GPR107: variants seen among roughly 807,000 people sequenced by gnomAD.
GPR107 encodes protein GPR107.
GPR107 carries 31 observed loss-of-function variants against 75.5 expected under a neutral mutation model. That is an observed-to-expected ratio of 0.41 (90% CI 0.31 to 0.55). GPR107 has a LOEUF of 0.55. Among genes scored for constraint, GPR107 ranks in the 20% least tolerant of loss-of-function variants. The pLI, the probability that GPR107 is intolerant of heterozygous loss-of-function variation, is 0.26. For synonymous variants in GPR107, 267 were observed against 251.3 expected, an observed-to-expected ratio of 1.06 and a Z score of -0.59; for missense variants, 572 against 665.7, an observed-to-expected ratio of 0.86 and a Z score of 1.55.
chr9:130,069,563 T>C (rs957745067), intron 1 of GPR107, among the ~76,000 whole-genome samples: 3 of 152,214 alleles, frequency 2.0e-5, no homozygotes, highest in Non-Finnish European at 2.9e-5. Flanking sequence ...TAGTGAGGTA[T>C]AGTTTACGAA....
chr9:130,086,649 C>T (rs1293705664), intron 7 of GPR107, among the ~76,000 whole-genome samples, 173 bp downstream of exon 7: 1 of 152,004 alleles, frequency 6.6e-6, no homozygotes, highest in Non-Finnish European at 1.5e-5. Flanking sequence ...ATATTGTTAC[C>T]CATCTACTTA....
At position 130,065,694 on chromosome 9, in the gene GPR107, G is replaced by A. The variant is rs1830051038; in HGVS notation, c.142-9942G>A. Among the ~76,000 whole-genome samples, 3 of 148,172 alleles carry A rather than the reference G, an allele frequency of 2.0e-5. 1 individual carries two copies. The South Asian group carries it at 6.3e-4, about 31-fold the overall frequency. The stretch of plus-strand genomic sequence containing the variant: ...AGGCAGGAGAATCACTTGAACCCAG[G>A]AGGTGGAGGTTGCAGTGAACCAAGA... On this transcript the variant is annotated intron_variant, in intron 1 of 17. Coordinates refer to ENST00000347136, the MANE Select transcript of GPR107 (RefSeq NM_020960.5).
chr9:130,088,482 C>A (rs76228787), intron 7 of GPR107, among the ~76,000 whole-genome samples: 3,701 of 152,316 alleles, frequency 0.024, 57 homozygotes, highest in Non-Finnish European at 0.037. Flanking sequence ...CTGTCTCCCC[C>A]TCTACAGAAG....
At chr9:130,095,514 C>T (rs1018568211) in intron 9 of GPR107, among the ~76,000 whole-genome samples, 3 of 152,158 alleles carry the variant, frequency 2.0e-5, no homozygotes, top group African/African-American at 7.2e-5. Context: ...TCTGCCTCAG[C>T]CTCCCAAGTA....
chr9:130,068,828 G>T (rs555427978), intron 1 of GPR107, among the ~76,000 whole-genome samples: 5 of 150,552 alleles, frequency 3.3e-5, no homozygotes, highest in Admixed American at 6.7e-5. Context: ...TGCAGCCTCC[G>T]CCTCCTGGAT....
At chr9:130,070,710 A>C (rs1323490139) in intron 1 of GPR107, among the ~76,000 whole-genome samples, 1 of 151,402 alleles carries the variant, frequency 6.6e-6, no homozygotes, top group Non-Finnish European at 1.5e-5. Context: ...GTGGGTAACA[A>C]TTTTTTTTTC....
At chr9:130,059,018 A>G (rs1167393976) in intron 1 of GPR107, among the ~76,000 whole-genome samples, 1 of 152,138 alleles carries the variant, frequency 6.6e-6, no homozygotes, top group South Asian at 2.1e-4. Flanking sequence ...TTTCTCTTGG[A>G]TGATATCCAG....
intron 7 of GPR107, among the ~76,000 whole-genome samples, chr9:130,087,421 A>C (rs908973365): frequency 2.0e-5 from 3 of 151,958 alleles, no homozygotes; most frequent in Non-Finnish European, 4.4e-5. Context: ...TTATCCCAGC[A>C]CTTTGGAAGG....
intron 4 of GPR107, among the ~76,000 whole-genome samples, chr9:130,078,756 G>T (rs578011919): frequency 1.5e-4 from 23 of 152,274 alleles, no homozygotes; most frequent in African/African-American, 4.6e-4. Context: ...CAGAGAGCAG[G>T]CTCCTCCTCC....
intron 3 of GPR107, 135 bp downstream of exon 3, chr9:130,076,597 C>T: frequency 1.5e-6 from 1 of 667,174 alleles, no homozygotes; most frequent in Non-Finnish European, 2.7e-6. Context: ...TCACTGCAAC[C>T]TTGACCTCCC....
At position 130,107,505 on chromosome 9, in the gene GPR107, A is replaced by G; in HGVS notation, c.1272A>G (p.Arg424=). The G allele has an allele frequency of 6.3e-7, 1 of 1,590,028 alleles. No individual in the cohort carries two copies. Among genetic ancestry groups the G allele is most frequent in the Non-Finnish European group, 8.6e-7 (1 of 1,157,868 alleles). ...AAATGTTTATTTTTAGGTCAATCAG[A>G]CATTTACAAGAAGCATCAGCAACAG... ...AILFPVVWSI[R]HLQEASATDG... is the part of the protein sequence containing the mutation. The change falls in exon 14 of 18, where the codon AGA becomes AGG. Residue 424 remains arginine, a synonymous_variant. Coordinates refer to ENST00000347136, the MANE Select transcript of GPR107 (RefSeq NM_020960.5).
Position 130,075,622 on chromosome 9 carries a change from A to G in GPR107, c.142-14A>G, listed in dbSNP as rs758782922. The G allele has an allele frequency of 3.0e-6, 4 of 1,329,794 alleles. No individual in the cohort carries two copies. The highest frequency in any genetic ancestry group is 3.4e-5 in the Admixed American group (2 of 59,348). The allele number at this position is 1,329,794 out of a possible 1,614,324, so 82.4% of individuals were successfully genotyped here. On this transcript the variant is annotated splice_polypyrimidine_tract_variant and intron_variant, in intron 1 of 17. Coordinates refer to ENST00000347136, the MANE Select transcript of GPR107 (RefSeq NM_020960.5). Reference sequence around the variant, plus strand: ...TTTCCATATGACTAATTCCACCACTACAAATCTCTTTAGGATGATGTGAGG... The same window carrying G: ...TTTCCATATGACTAATTCCACCACTGCAAATCTCTTTAGGATGATGTGAGG...
At chr9:130,062,997 A>G (rs1318878161) in intron 1 of GPR107, among the ~76,000 whole-genome samples, 2 of 152,166 alleles carry the variant, frequency 1.3e-5, no homozygotes, top group African/African-American at 2.4e-5. Flanking sequence ...TGAACTCTTT[A>G]TGAGAGGATA....
intron 14 of GPR107, among the ~76,000 whole-genome samples, chr9:130,113,556 T>C (rs1003126509): frequency 2.6e-5 from 4 of 152,156 alleles, no homozygotes; most frequent in African/African-American, 4.8e-5. Context: ...ATAAGACTTA[T>C]GATGTAAGCA....
intron 12 of GPR107, among the ~76,000 whole-genome samples, chr9:130,102,110 G>A (rs1831046061): frequency 6.6e-6 from 1 of 152,210 alleles, no homozygotes; most frequent in Non-Finnish European, 1.5e-5. Context: ...AAGTTGGAAG[G>A]ATCAAGGAGG....
At chr9:130,134,199 C>G (rs1441420513) in intron 17 of GPR107, among the ~76,000 whole-genome samples, 1 of 152,198 alleles carries the variant, frequency 6.6e-6, no homozygotes, top group Non-Finnish European at 1.5e-5. Context: ...TTCTGCTACT[C>G]ACAGAGCCAC....
chr9:130,126,602 G>T (rs191617770), intron 15 of GPR107, among the ~76,000 whole-genome samples: 1 of 151,990 alleles, frequency 6.6e-6, no homozygotes, highest in Non-Finnish European at 1.5e-5. Context: ...CACCCACCTC[G>T]GCCTCCCAAA....
rs754132315 is a variant in GPR107, at chr9:130,101,150, C to G, written c.1058C>G (p.Thr353Ser). The change falls in exon 12 of 18, where the codon ACT (threonine) becomes AGT (serine). Residue 353 changes from threonine (T) to serine (S), a missense_variant. Coordinates refer to ENST00000347136, the MANE Select transcript of GPR107 (RefSeq NM_020960.5). ...TTCATCACCATTGCACTCATTGGCA[C>G]TGGCTGGGCTTTCATTAAGCACATC... ...LLFITIALIG[T>S]GWAFIKHILS... 1 of 1,610,804 alleles carries G rather than the reference C, an allele frequency of 6.2e-7. No homozygotes were observed.
At chr9:130,074,857 G>A (rs980740304) in intron 1 of GPR107, among the ~76,000 whole-genome samples, 1 of 151,708 alleles carries the variant, frequency 6.6e-6, no homozygotes, top group African/African-American at 2.4e-5. Context: ...ATATAAATGA[G>A]TGTATTCTTG....
Sources: gnomAD v4.1 joint callset for allele counts (sites outside exome capture counted in the v4.1 genomes callset) on GRCh38, gnomAD v4.1.1 for gene constraint, MANE v1.5 for transcripts, NCBI Gene and HGNC (gene_info 2026-07-23, HGNC 2026-07-21) for gene names.